Variants in TAFA1 observed in about 807,000 individuals in gnomAD.
TAFA1 encodes chemokine-like protein TAFA-1.
TAFA1 carries 4 observed loss-of-function variants against 18.5 expected under a neutral mutation model. The ratio of observed to expected loss-of-function variants is 0.22; its 90% CI spans 0.11 to 0.49. TAFA1 has a LOEUF of 0.49. Among genes scored for constraint, TAFA1 ranks in the 20% least tolerant of loss-of-function variants. TAFA1 has a pLI of 0.98. For missense variants in TAFA1, 147 were observed against 169.0 expected (o/e 0.87, Z 0.72); for synonymous variants, 56 against 55.2 (o/e 1.01, Z -0.06).
chr3:68,427,381 G>T (rs1262628750), intron 3 of TAFA1, among the ~76,000 whole-genome samples: 2 of 151,734 alleles, frequency 1.3e-5, no homozygotes, highest in African/African-American at 4.8e-5. Context: ...TTAATGTGCT[G>T]TCCACATGAA....
chr3:68,231,016 C>T (rs1252408770), intron 2 of TAFA1, among the ~76,000 whole-genome samples: 2 of 152,126 alleles, frequency 1.3e-5, no homozygotes, highest in Non-Finnish European at 2.9e-5. Context: ...CTTCTTTAAT[C>T]ACTAGTCATA....
At chr3:68,234,158 G>C (rs2066902016) in intron 2 of TAFA1, among the ~76,000 whole-genome samples, 2 of 152,168 alleles carry the variant, frequency 1.3e-5, no homozygotes, top group African/African-American at 4.8e-5. Flanking sequence ...GTGATTGCTT[G>C]AACAGATTCC....
At chr3:68,526,802 T>A (rs920392938) in intron 3 of TAFA1, among the ~76,000 whole-genome samples, 3 of 152,128 alleles carry the variant, frequency 2.0e-5, no homozygotes, top group Non-Finnish European at 4.4e-5. Flanking sequence ...GATAATTTTT[T>A]AAATAATTAT....
intron 2 of TAFA1, among the ~76,000 whole-genome samples, chr3:68,021,629 G>T (rs549668155): frequency 1.5e-4 from 23 of 152,174 alleles, no homozygotes; most frequent in African/African-American, 5.5e-4. Context: ...AATACAAAAT[G>T]ACATCTATGT....
At chr3:68,526,406 T>A (rs1341825493) in intron 3 of TAFA1, among the ~76,000 whole-genome samples, 1 of 152,194 alleles carries the variant, frequency 6.6e-6, no homozygotes, top group African/African-American at 2.4e-5. Flanking sequence ...TTACAATCAG[T>A]GTACAACTTT....
At chr3:68,455,609 C>T (rs2071647710) in intron 3 of TAFA1, among the ~76,000 whole-genome samples, 1 of 152,108 alleles carries the variant, frequency 6.6e-6, no homozygotes. Context: ...TGTGCATTAG[C>T]TCTTGAGTTT....
At chr3:68,444,592 T>C (rs1159445995) in intron 3 of TAFA1, among the ~76,000 whole-genome samples, 2 of 152,020 alleles carry the variant, frequency 1.3e-5, no homozygotes, top group Non-Finnish European at 2.9e-5. Flanking sequence ...GGGTATTCTA[T>C]ATGCATGTAA....
At chr3:68,261,560 A>C (rs9859611) in intron 2 of TAFA1, among the ~76,000 whole-genome samples, 14,859 of 152,186 alleles carry the variant, frequency 0.098, 1,092 homozygotes, top group African/African-American at 0.2. Flanking sequence ...TGTGGCACAT[A>C]TACACCATGG....
At chr3:68,249,300 C>A (rs1263234979) in intron 2 of TAFA1, among the ~76,000 whole-genome samples, 2 of 152,164 alleles carry the variant, frequency 1.3e-5, no homozygotes, top group Non-Finnish European at 2.9e-5. Flanking sequence ...CCGGGCAGAC[C>A]CTTTCTACCA....
chr3:68,355,599 T>A (rs1200063346), intron 2 of TAFA1, among the ~76,000 whole-genome samples: 1 of 151,920 alleles, frequency 6.6e-6, no homozygotes, highest in African/African-American at 2.4e-5. Context: ...AGTAGCCTTA[T>A]AAAAATCCCC....
intron 2 of TAFA1, among the ~76,000 whole-genome samples, chr3:68,252,275 T>G (rs1242917254): frequency 6.6e-6 from 1 of 152,172 alleles, no homozygotes; most frequent in Non-Finnish European, 1.5e-5. Flanking sequence ...TTGTCTGCTC[T>G]CACTTCCCAG....
intron 2 of TAFA1, among the ~76,000 whole-genome samples, chr3:68,039,776 C>T (rs1379776365): frequency 6.6e-6 from 1 of 152,120 alleles, no homozygotes; most frequent in Non-Finnish European, 1.5e-5. Context: ...TGTGTTGCTT[C>T]CATAAGTGAG....
chr3:68,502,899 T>G (rs1458653356), intron 3 of TAFA1, among the ~76,000 whole-genome samples: 1 of 152,132 alleles, frequency 6.6e-6, no homozygotes, highest in Non-Finnish European at 1.5e-5. Context: ...AGCAGCACTA[T>G]TCATAATCCC....
chr3:68,443,734 T>G (rs1396959033), intron 3 of TAFA1, among the ~76,000 whole-genome samples: 1 of 152,110 alleles, frequency 6.6e-6, no homozygotes, highest in African/African-American at 2.4e-5. Flanking sequence ...CCATGATACA[T>G]GGGAATTGTG....
At chr3:68,385,316 G>A (rs1393378914) in intron 2 of TAFA1, among the ~76,000 whole-genome samples, 1 of 152,052 alleles carries the variant, frequency 6.6e-6, no homozygotes, top group Non-Finnish European at 1.5e-5. Flanking sequence ...AAACAACATG[G>A]CGTTTCCCCA....
At chr3:68,030,919 T>C (rs929353008) in intron 2 of TAFA1, among the ~76,000 whole-genome samples, 6 of 152,144 alleles carry the variant, frequency 3.9e-5, no homozygotes, top group Non-Finnish European at 8.8e-5. Flanking sequence ...TTTTAGTGGT[T>C]TTAGAGAGAC....
intron 2 of TAFA1, among the ~76,000 whole-genome samples, chr3:68,112,980 T>C (rs2065278643): frequency 6.6e-6 from 1 of 152,184 alleles, no homozygotes; most frequent in Non-Finnish European, 1.5e-5. Context: ...CTATCAATTA[T>C]TCTCAAATTA....
intron 2 of TAFA1, among the ~76,000 whole-genome samples, chr3:68,220,031 A>C (rs755415962): frequency 3.9e-4 from 59 of 152,310 alleles, no homozygotes; most frequent in Non-Finnish European, 1.5e-4. Flanking sequence ...TGAGGTTTTA[A>C]TATGATAAAT....
intron 2 of TAFA1, among the ~76,000 whole-genome samples, chr3:68,129,801 C>A (rs974502887): frequency 1.3e-5 from 2 of 152,046 alleles, no homozygotes; most frequent in African/African-American, 4.8e-5. Context: ...GAATCGTAAC[C>A]ACATGGCCTG....
Sources: allele counts gnomAD v4.1 joint callset (sites outside exome capture counted in the v4.1 genomes callset), GRCh38; gene constraint gnomAD v4.1.1; transcripts MANE v1.5; gene names NCBI Gene and HGNC (gene_info 2026-07-23, HGNC 2026-07-21).